The following VPS13B variants were observed in gnomAD, a reference collection of about 807,000 sequenced individuals.
VPS13B encodes vacuolar protein sorting 13 homolog B, also known as intermembrane lipid transfer protein VPS13B.
In VPS13B, 285 loss-of-function variants were observed where a neutral mutation model predicts 426.4. The observed-to-expected ratio is 0.67, with a 90% CI of 0.61 to 0.74. VPS13B has a LOEUF of 0.74. VPS13B is among the 30% of genes least tolerant of loss of function. The probability of loss-of-function intolerance (pLI) is 0.00; values close to 1 mark genes in which losing one functional copy is unlikely to be tolerated. For missense variants in VPS13B, 4,537 were observed against 4,782.6 expected, an observed-to-expected ratio of 0.95 and a Z score of 1.51; for synonymous variants, 1,676 against 1,676.4, an observed-to-expected ratio of 1.00 and a Z score of 0.01.
chr8:99,209,249 A>C (rs911883223), intron 17 of VPS13B, among the ~76,000 whole-genome samples: 1 of 151,520 alleles, frequency 6.6e-6, no homozygotes, highest in Non-Finnish European at 1.5e-5. Flanking sequence ...ACTGCACTCC[A>C]TCCAGCCTGG....
chr8:99,318,817 G>A (rs1039498580), intron 19 of VPS13B, among the ~76,000 whole-genome samples: 7 of 151,964 alleles, frequency 4.6e-5, no homozygotes, highest in East Asian at 1.9e-4. Flanking sequence ...CACCACACCC[G>A]CCCTACATGA....
At chr8:99,585,789 C>T (rs1826273843) in intron 33 of VPS13B, among the ~76,000 whole-genome samples, 1 of 152,156 alleles carries the variant, frequency 6.6e-6, no homozygotes, top group Middle Eastern at 3.2e-3. Flanking sequence ...TGTCTGCTTA[C>T]ATCACTTCTA....
At chr8:99,750,357 T>C (rs1168168198) in intron 39 of VPS13B, among the ~76,000 whole-genome samples, 1 of 152,150 alleles carries the variant, frequency 6.6e-6, no homozygotes, top group East Asian at 1.9e-4. Flanking sequence ...GGGACACTTA[T>C]ATTACCCTTT....
At chr8:99,296,411 C>A (rs571362771) in intron 19 of VPS13B, among the ~76,000 whole-genome samples, 15 of 152,160 alleles carry the variant, frequency 9.9e-5, no homozygotes, top group Non-Finnish European at 1.6e-4. Flanking sequence ...ATAGGTAGGA[C>A]ATATGCTAGA....
At chr8:99,718,977 A>T (rs916413374) in intron 37 of VPS13B, among the ~76,000 whole-genome samples, 2 of 152,144 alleles carry the variant, frequency 1.3e-5, no homozygotes, top group African/African-American at 4.8e-5. Flanking sequence ...TAAAAGTTGT[A>T]TTGCCTCAAG....
At chr8:99,740,217 G>A (rs1176576807) in intron 39 of VPS13B, among the ~76,000 whole-genome samples, 1 of 152,138 alleles carries the variant, frequency 6.6e-6, no homozygotes, top group Non-Finnish European at 1.5e-5. Flanking sequence ...GGAAGAAAGG[G>A]TATCAGTGAT....
intron 51 of VPS13B, 60 bp downstream of exon 51, chr8:99,824,038 C>T: frequency 1.9e-6 from 3 of 1,571,452 alleles, no homozygotes; most frequent in Non-Finnish European, 2.6e-6. Flanking sequence ...TAAATAGGAT[C>T]AACTTCTCTT....
intron 8 of VPS13B, among the ~76,000 whole-genome samples, chr8:99,122,663 A>C (rs1001300439): frequency 1.3e-5 from 2 of 152,202 alleles, no homozygotes. Context: ...TAATTCATTC[A>C]ACAAATATTT....
chr8:99,517,607 A>G (rs948144743), intron 29 of VPS13B, among the ~76,000 whole-genome samples: 1 of 152,182 alleles, frequency 6.6e-6, no homozygotes, highest in Admixed American at 6.5e-5. Context: ...AGTTACTATC[A>G]GGATTCTAAA....
chr8:99,532,833 T>A (rs911926371), intron 30 of VPS13B, among the ~76,000 whole-genome samples: 1 of 151,326 alleles, frequency 6.6e-6, no homozygotes, highest in Admixed American at 6.6e-5. Context: ...AAATACACAC[T>A]TCTTCAGCAG....
chr8:99,260,604 A>G (rs1046463910), intron 17 of VPS13B, among the ~76,000 whole-genome samples: 1 of 152,038 alleles, frequency 6.6e-6, no homozygotes, highest in South Asian at 2.1e-4. Context: ...CCTATTTGCA[A>G]TAGGTTAATT....
chr8:99,688,851 G>A (rs1475595499), intron 35 of VPS13B, among the ~76,000 whole-genome samples: 1 of 152,026 alleles, frequency 6.6e-6, no homozygotes. Context: ...ATATCATCTC[G>A]AGGTCACAGA....
chr8:99,519,969 T>C (rs1406198947), intron 29 of VPS13B, among the ~76,000 whole-genome samples: 1 of 152,142 alleles, frequency 6.6e-6, no homozygotes, highest in Non-Finnish European at 1.5e-5. Flanking sequence ...GTAAATGTAA[T>C]GAATGGGGCC....
chr8:99,215,598 C>A (rs1815345850), intron 17 of VPS13B, among the ~76,000 whole-genome samples: 1 of 152,164 alleles, frequency 6.6e-6, no homozygotes, highest in Non-Finnish European at 1.5e-5. Context: ...CTTTTGCCCC[C>A]TGCCTCCTGT....
chr8:99,715,482 G>A (rs887542141), intron 36 of VPS13B, among the ~76,000 whole-genome samples: 1 of 152,170 alleles, frequency 6.6e-6, no homozygotes, highest in East Asian at 1.9e-4. Flanking sequence ...ATAAGTTTTA[G>A]AAATTTGTCA....
intron 17 of VPS13B, among the ~76,000 whole-genome samples, chr8:99,212,281 C>T (rs1815135561): frequency 6.6e-6 from 1 of 152,200 alleles, no homozygotes; most frequent in African/African-American, 2.4e-5. Context: ...CCCTTCACCT[C>T]TCTCCTTCTA....
Position 99,193,005 on chromosome 8 carries a change from C to T in VPS13B, c.2463C>T (p.Val821=). Residue 821 remains valine (V), a synonymous_variant, in exon 17 of 62, where the codon GTC becomes GTT. Transcript: ENST00000357162. ...IYQSWSHLGN[V]SSSAVIEALI... ...AAAGTTGGTCTCATCTTGGAAATGTCAGCTCTTCCGCAGTGATTGAAGCTT... is the reference window on the plus strand; with the variant it reads ...AAAGTTGGTCTCATCTTGGAAATGTTAGCTCTTCCGCAGTGATTGAAGCTT... 6.2e-7 allele frequency: 1 copy of T among 1,613,724 alleles called. No individual in the cohort carries two copies. The highest frequency in any genetic ancestry group is 2.2e-5 in the East Asian group (1 of 44,794).
intron 8 of VPS13B, among the ~76,000 whole-genome samples, chr8:99,130,424 G>A (rs1231540817): frequency 2.9e-4 from 41 of 140,206 alleles, no homozygotes. Context: ...GTCTCACACT[G>A]TTGCCCAGGC....
intron 17 of VPS13B, among the ~76,000 whole-genome samples, chr8:99,217,166 C>G (rs1001729397): frequency 6.6e-6 from 1 of 152,034 alleles, no homozygotes; most frequent in Non-Finnish European, 1.5e-5. Context: ...CATGTTTATT[C>G]CCTCTAATAA....
Sources: gnomAD v4.1 joint callset for allele counts (sites outside exome capture counted in the v4.1 genomes callset) on GRCh38, gnomAD v4.1.1 for gene constraint, MANE v1.5 for transcripts, NCBI Gene and HGNC (gene_info 2026-07-23, HGNC 2026-07-21) for gene names.